Variants in ARL15 observed in about 807,000 individuals in gnomAD.
ARL15 encodes the protein ADP-ribosylation factor-like protein 15.
Under a neutral mutation model 25.2 loss-of-function variants are expected in ARL15, and 19 were observed. The observed-to-expected ratio is 0.75, with a 90% confidence interval of 0.53 to 1.10. The LOEUF (loss-of-function observed/expected upper bound fraction) is 1.10. Ranked by LOEUF, ARL15 falls within the 50% of genes least tolerant of loss-of-function variation. ARL15 has a pLI of 0.00. For synonymous variants in ARL15, 94 were observed against 86.8 expected (o/e 1.08, Z -0.46); for missense variants, 220 against 246.0 (o/e 0.89, Z 0.71).
chr5:54,137,963 A>G (rs1408129980), intron 3 of ARL15, among the ~76,000 whole-genome samples: 1 of 152,134 alleles, frequency 6.6e-6, no homozygotes, highest in East Asian at 1.9e-4. Flanking sequence ...AGAGAATTTT[A>G]GAGTCAAAGT....
intron 1 of ARL15, among the ~76,000 whole-genome samples, chr5:54,303,365 AT>A (rs1758661869): frequency 6.6e-6 from 1 of 152,116 alleles, no homozygotes; most frequent in Non-Finnish European, 1.5e-5. Context: ...CTACCAAAAA[AT>A]ACAAAAACTA....
intron 2 of ARL15, among the ~76,000 whole-genome samples, chr5:54,159,471 T>C (rs577990289): frequency 1.3e-5 from 2 of 152,342 alleles, no homozygotes; most frequent in East Asian, 3.9e-4. Context: ...ATTCCTCATG[T>C]GCAAAATGAG....
At chr5:54,164,654 T>C (rs1007254771) in intron 2 of ARL15, among the ~76,000 whole-genome samples, 1 of 152,072 alleles carries the variant, frequency 6.6e-6, no homozygotes, top group Non-Finnish European at 1.5e-5. Context: ...ATCTACATTG[T>C]CTAATATTAA....
chr5:54,218,468 G>A, intron 1 of ARL15, among the ~76,000 whole-genome samples: 1 of 152,104 alleles, frequency 6.6e-6, no homozygotes, highest in East Asian at 1.9e-4. Context: ...GACAAAAGCA[G>A]ATCACAAAAT....
intron 4 of ARL15, among the ~76,000 whole-genome samples, chr5:54,096,374 C>G (rs374288032): frequency 6.6e-6 from 1 of 152,156 alleles, no homozygotes; most frequent in Non-Finnish European, 1.5e-5. Context: ...AGAATGAACA[C>G]AAGTTGTTTT....
intron 3 of ARL15, among the ~76,000 whole-genome samples, chr5:54,141,490 A>G (rs1428930237): frequency 6.6e-6 from 1 of 152,298 alleles, no homozygotes; most frequent in Non-Finnish European, 1.5e-5. Flanking sequence ...GAGATAATTA[A>G]GAGTATCTTT....
At chr5:54,278,328 G>A (rs917012715) in intron 1 of ARL15, among the ~76,000 whole-genome samples, 2 of 152,172 alleles carry the variant, frequency 1.3e-5, no homozygotes, top group African/African-American at 4.8e-5. Flanking sequence ...AGCATGGCCT[G>A]TTTTCACTGC....
At chr5:53,963,036 T>C (rs1230697310) in intron 4 of ARL15, among the ~76,000 whole-genome samples, 1 of 152,124 alleles carries the variant, frequency 6.6e-6, no homozygotes, top group Non-Finnish European at 1.5e-5. Flanking sequence ...CTGCTATTAA[T>C]CTACAGCCTC....
chr5:54,096,799 G>A (rs1041125063), intron 4 of ARL15, among the ~76,000 whole-genome samples: 2 of 152,154 alleles, frequency 1.3e-5, no homozygotes, highest in African/African-American at 4.8e-5. Context: ...TTGCCAATTT[G>A]TAGATAGGCA....
At chr5:54,041,234 G>C (rs1382070339) in intron 4 of ARL15, among the ~76,000 whole-genome samples, 1 of 152,106 alleles carries the variant, frequency 6.6e-6, no homozygotes, top group African/African-American at 2.4e-5. Context: ...ATCTCTTATT[G>C]CTAAAACAGA....
intron 1 of ARL15, chr5:54,282,677 G>T: frequency 1.9e-6 from 1 of 515,900 alleles, no homozygotes; most frequent in Non-Finnish European, 2.5e-6. Flanking sequence ...GCTATAAGTA[G>T]CTTTTTAAGC....
chr5:54,229,887 T>C (rs1052627220), intron 1 of ARL15, among the ~76,000 whole-genome samples: 2 of 152,116 alleles, frequency 1.3e-5, no homozygotes, highest in Admixed American at 6.5e-5. Context: ...AAATTGTCCA[T>C]GGTGACTTTA....
intron 3 of ARL15, among the ~76,000 whole-genome samples, chr5:54,140,175 G>GATT (rs1753725943): frequency 1.3e-5 from 2 of 151,224 alleles, no homozygotes; most frequent in Admixed American, 1.3e-4. Flanking sequence ...TAACTTCCTG[G>GATT]ATTATAGTAG....
At chr5:54,242,894 G>GA (rs900477159) in intron 1 of ARL15, among the ~76,000 whole-genome samples, 2 of 151,436 alleles carry the variant, frequency 1.3e-5, no homozygotes, top group African/African-American at 4.9e-5. Context: ...ATGCACAAAG[G>GA]AAAAAAAATC....
intron 4 of ARL15, among the ~76,000 whole-genome samples, chr5:53,990,308 A>C (rs2111652709): frequency 6.6e-6 from 1 of 152,330 alleles, no homozygotes; most frequent in Admixed American, 6.5e-5. Flanking sequence ...CAATTGTTAC[A>C]TAAAAGAATG....
intron 4 of ARL15, among the ~76,000 whole-genome samples, chr5:54,010,567 T>C (rs1423811150): frequency 6.6e-6 from 1 of 152,106 alleles, no homozygotes. Context: ...AACCGCCAGC[T>C]AAATAAAAAA....
At chr5:54,156,984 C>T (rs1056219595) in intron 2 of ARL15, among the ~76,000 whole-genome samples, 1 of 152,208 alleles carries the variant, frequency 6.6e-6, no homozygotes, top group African/African-American at 2.4e-5. Context: ...AATGTATCTA[C>T]CTACCTCACA....
intron 1 of ARL15, among the ~76,000 whole-genome samples, chr5:54,249,679 A>G (rs998299178): frequency 6.6e-6 from 1 of 151,858 alleles, no homozygotes; most frequent in East Asian, 1.9e-4. Flanking sequence ...GAGCAAAAAA[A>G]AAAAAAAAAA....
chr5:54,181,561 A>G (rs1474111727), intron 1 of ARL15, among the ~76,000 whole-genome samples: 2 of 152,206 alleles, frequency 1.3e-5, no homozygotes, highest in Non-Finnish European at 2.9e-5. Flanking sequence ...AAAATACACA[A>G]ACACTTTTAA....
Sources: gnomAD v4.1 joint callset for allele counts (sites outside exome capture counted in the v4.1 genomes callset) on GRCh38, gnomAD v4.1.1 for gene constraint, MANE v1.5 for transcripts, NCBI Gene and HGNC (gene_info 2026-07-23, HGNC 2026-07-21) for gene names.